ANO2: variants seen among roughly 807,000 people sequenced by gnomAD.
ANO2 encodes anoctamin-2.
In ANO2, 101 loss-of-function variants were observed where a neutral mutation model predicts 124.2. That is an observed-to-expected ratio of 0.81 (90% CI 0.69 to 0.96). The LOEUF (loss-of-function observed/expected upper bound fraction) is 0.96, where lower values mean the gene tolerates loss of function less well. ANO2 is among the 40% of genes least tolerant of loss of function. ANO2 has a pLI of 0.00. For missense variants in ANO2, 1,293 were observed against 1,274.5 expected, an observed-to-expected ratio of 1.01 and a Z score of -0.22; for synonymous variants, 486 against 482.5, an observed-to-expected ratio of 1.01 and a Z score of -0.09.
chr12:5,739,989 T>C, intron 12 of ANO2: 1 of 455,868 alleles, frequency 2.2e-6, no homozygotes, highest in Admixed American at 2.4e-5. Flanking sequence ...GCATTCATTC[T>C]TCCATTTGCT....
rs534010565 is a variant in ANO2, at chr12:5,624,965, C to A, written c.1817-9668G>T. Among the ~76,000 whole-genome samples the A allele has an allele frequency of 7.2e-5, 11 of 152,198 alleles. No homozygotes were observed. The East Asian group carries it at 1.9e-3, about 27-fold the overall frequency. ...GGGGACGCATCAGCCTGGGCAAAGTCTTGATGGAGAGCCCCAAGGCTGTGC... is the reference window on the plus strand; with the variant it reads ...GGGGACGCATCAGCCTGGGCAAAGTATTGATGGAGAGCCCCAAGGCTGTGC... On this transcript the variant is annotated intron_variant, in intron 16 of 24. Transcript: ENST00000682330.
rs759570730 is a variant in ANO2 at position 5,921,332 on chromosome 12, A to G, written c.242T>C (p.Val81Ala). The stretch of plus-strand genomic sequence containing the variant: ...GCGGCTAAGACGGGCCTCCAAGGAC[A>G]CAGGCTCATTGGCATCCAGATAGTT... ...INNYLDANEP[V>A]SLEARLSRMH... Residue 81 changes from valine to alanine, a missense_variant, in exon 3 of 25, where the codon GTG becomes GCG. Val to Ala is a moderately conservative substitution (Grantham distance 64). Coordinates refer to ENST00000682330, the MANE Select transcript of ANO2 (RefSeq NM_001364791.2). The G allele has an allele frequency of 2.5e-6, 4 of 1,613,974 alleles. No homozygotes were observed. In the East Asian group the frequency reaches 8.9e-5, roughly 36 times the overall value.
At chr12:5,910,647 C>T (rs921312212) in intron 3 of ANO2, among the ~76,000 whole-genome samples, 1 of 152,156 alleles carries the variant, frequency 6.6e-6, no homozygotes. Context: ...ATTCTATCCA[C>T]AAAACCCTCA....
intron 16 of ANO2, among the ~76,000 whole-genome samples, chr12:5,624,057 C>T (rs1945264498): frequency 6.6e-6 from 1 of 152,162 alleles, no homozygotes; most frequent in Admixed American, 6.5e-5. Flanking sequence ...GCCTGAGATA[C>T]TCCTGTGGCC....
intron 10 of ANO2, among the ~76,000 whole-genome samples, chr12:5,779,896 T>C (rs985233060): frequency 3.3e-5 from 5 of 152,150 alleles, no homozygotes; most frequent in African/African-American, 9.7e-5. Flanking sequence ...GGAGGCTATA[T>C]AGAGACATAA....
chr12:5,910,837 T>A (rs1941002844), intron 3 of ANO2, among the ~76,000 whole-genome samples: 1 of 152,134 alleles, frequency 6.6e-6, no homozygotes, highest in Admixed American at 6.5e-5. Flanking sequence ...CCATTCTGTA[T>A]CCTCAGACCT....
At chr12:5,622,775 C>T (rs1945177648) in intron 16 of ANO2, among the ~76,000 whole-genome samples, 1 of 151,960 alleles carries the variant, frequency 6.6e-6, no homozygotes, top group African/African-American at 2.4e-5. Flanking sequence ...ACCAGCCTGG[C>T]AAACATGGCA....
intron 10 of ANO2, among the ~76,000 whole-genome samples, chr12:5,766,505 T>C (rs1247717781): frequency 1.3e-5 from 2 of 152,208 alleles, no homozygotes; most frequent in Non-Finnish European, 2.9e-5. Flanking sequence ...AATAAAATAA[T>C]TCTTGCGTTA....
chr12:5,704,368 C>A (rs1544608), intron 14 of ANO2, among the ~76,000 whole-genome samples: 38,386 of 151,998 alleles, frequency 0.25, 5,119 homozygotes, highest in East Asian at 0.34. Flanking sequence ...CACCATGCGC[C>A]CTGGTGAGAG....
At chr12:5,720,749 A>C (rs1017137451) in intron 14 of ANO2, among the ~76,000 whole-genome samples, 1 of 149,318 alleles carries the variant, frequency 6.7e-6, no homozygotes, top group African/African-American at 2.5e-5. Context: ...CTGCTCTCTC[A>C]TTTCACAGGC....
intron 7 of ANO2, among the ~76,000 whole-genome samples, chr12:5,809,910 CT>C (rs1565685840): frequency 6.6e-6 from 1 of 152,240 alleles, no homozygotes; most frequent in Non-Finnish European, 1.5e-5. Context: ...CAGTACTCCT[CT>C]TGTTCATCGC....
chr12:5,647,773 T>C lies in ANO2; in HGVS notation c.1574A>G (p.Asp525Gly), dbSNP rs751215221. ...GTTCATCAGGTAACCTGGGAAACGA[T>C]CCTTCCAGGTCAGTTTATCTTCATC... ...EDDEDKLTWK[D>G]RFPGYLMNFA... The change falls in exon 15 of 25, where the codon GAT becomes GGT. Residue 525 changes from aspartate (D) to glycine (G), a missense_variant. Transcript: ENST00000682330. 3.7e-6 allele frequency: 6 copies of C among 1,610,246 alleles called. No individual in the cohort carries two copies. The East Asian group carries it at 1.1e-4, about 30-fold the overall frequency.
At chr12:5,669,858 A>G (rs1004432132) in intron 14 of ANO2, among the ~76,000 whole-genome samples, 1 of 152,148 alleles carries the variant, frequency 6.6e-6, no homozygotes, top group African/African-American at 2.4e-5. Context: ...GATCTTACTC[A>G]CCTTTCACTC....
At chr12:5,757,769 A>C (rs1356402212) in intron 10 of ANO2, among the ~76,000 whole-genome samples, 1 of 152,246 alleles carries the variant, frequency 6.6e-6, no homozygotes, top group Non-Finnish European at 1.5e-5. Flanking sequence ...AAGTCCGTCC[A>C]GGGAAAACTG....
intron 14 of ANO2, among the ~76,000 whole-genome samples, chr12:5,694,253 G>GAGAGAC (rs1949069169): frequency 6.7e-6 from 1 of 148,196 alleles, no homozygotes; most frequent in Non-Finnish European, 1.5e-5. Context: ...ACCAGAGACA[G>GAGAGAC]AGAGAGAGAG....
At chr12:5,717,622 C>A (rs1284641097) in intron 14 of ANO2, among the ~76,000 whole-genome samples, 3 of 152,210 alleles carry the variant, frequency 2.0e-5, no homozygotes, top group East Asian at 1.9e-4. Context: ...AGAGTTAGCA[C>A]CTCCACTGAC....
intron 6 of ANO2, among the ~76,000 whole-genome samples, chr12:5,828,858 G>A (rs1313050567): frequency 2.0e-5 from 3 of 152,216 alleles, no homozygotes; most frequent in Non-Finnish European, 4.4e-5. Context: ...AAACAGCTGA[G>A]GTGCTCAGAC....
intron 14 of ANO2, among the ~76,000 whole-genome samples, chr12:5,692,865 A>G (rs1459928578): frequency 6.6e-6 from 1 of 152,224 alleles, no homozygotes; most frequent in East Asian, 1.9e-4. Context: ...AAGATTGAAA[A>G]GTATTGTTTC....
chr12:5,766,688 T>C (rs1951899492), intron 10 of ANO2, among the ~76,000 whole-genome samples: 1 of 152,144 alleles, frequency 6.6e-6, no homozygotes, highest in Admixed American at 6.5e-5. Context: ...ATACTTTGGT[T>C]TTAAAAGTTT....
Sources: allele counts gnomAD v4.1 joint callset (sites outside exome capture counted in the v4.1 genomes callset), GRCh38; gene constraint gnomAD v4.1.1; transcripts MANE v1.5; gene names NCBI Gene and HGNC (gene_info 2026-07-23, HGNC 2026-07-21).